OS9: variants seen among roughly 807,000 people sequenced by gnomAD.
OS9 encodes protein OS-9.
Under a neutral mutation model 84.7 loss-of-function variants are expected in OS9, and 58 were observed. The ratio of observed to expected loss-of-function variants is 0.68; its 90% confidence interval spans 0.55 to 0.85. The LOEUF (loss-of-function observed/expected upper bound fraction) is 0.85. OS9 is among the 40% of genes least tolerant of loss of function. The pLI, the probability that OS9 is intolerant of heterozygous loss-of-function variation, is 0.00. For missense variants in OS9, 760 were observed against 850.9 expected, an observed-to-expected ratio of 0.89 and a Z score of 1.33; for synonymous variants, 278 against 320.8, an observed-to-expected ratio of 0.87 and a Z score of 1.43.
In OS9 at chr12:57,720,521, A is replaced by G; in HGVS notation, c.1878+3A>G. Reference sequence around the variant, plus strand: ...AGGAGATCTTCTTCAATATCTTGGTAAGAGGCTTCTACCCCCGAGTCCTGG... The same window carrying G: ...AGGAGATCTTCTTCAATATCTTGGTGAGAGGCTTCTACCCCCGAGTCCTGG... On this transcript the variant is annotated splice_donor_region_variant and intron_variant, in intron 14 of 14. Coordinates refer to ENST00000315970, the MANE Select transcript of OS9 (RefSeq NM_006812.4). 2 of 1,597,870 alleles carry G rather than the reference A, an allele frequency of 1.3e-6. No homozygotes were observed. The highest frequency in any genetic ancestry group is 1.7e-6 in the Non-Finnish European group (2 of 1,165,200).
At position 57,721,503 on chromosome 12, in the gene OS9, G is replaced by A. The variant is rs74368191; in HGVS notation, c.*594G>A. 1,232 of 153,118 alleles carry A rather than the reference G, an allele frequency of 8.0e-3. 9 individuals carry two copies. Among genetic ancestry groups the A allele is most frequent in the Non-Finnish European group, 0.013 (904 of 68,570 alleles). 9.5% of individuals were successfully genotyped at this position (153,118 alleles called of 1,614,324 possible). ...ACAATCCCAGTGAAAAAGGTGTGAA[G>A]CACCCACCATGTTCTTGAACAATCA... On this transcript the variant is annotated 3_prime_UTR_variant, in exon 15 of 15. Transcript: ENST00000315970.
chr12:57,698,880 G>A (rs1953940665), intron 5 of OS9, among the ~76,000 whole-genome samples: 1 of 152,180 alleles, frequency 6.6e-6, no homozygotes, highest in South Asian at 2.1e-4. Flanking sequence ...CAATGGTTAG[G>A]GGAGGCAATG....
chr12:57,694,386 G>A, intron 1 of OS9, 63 bp downstream of exon 1: 1 of 1,552,012 alleles, frequency 6.4e-7, no homozygotes, highest in Non-Finnish European at 8.9e-7. Context: ...GATAGAGGAA[G>A]AAGGGCAGCT....
intron 5 of OS9, among the ~76,000 whole-genome samples, chr12:57,715,271 G>C (rs897464720): frequency 5.9e-5 from 9 of 152,122 alleles, no homozygotes; most frequent in African/African-American, 1.9e-4. Flanking sequence ...GCTGAGGCCG[G>C]AGAATCGCTT....
intron 5 of OS9, among the ~76,000 whole-genome samples, chr12:57,697,967 C>CACT (rs1463071402): frequency 5.2e-5 from 6 of 116,000 alleles, no homozygotes; most frequent in Admixed American, 5.1e-4. Context: ...ACACACACAC[C>CACT]CTATTGCTCC....
chr12:57,711,390 A>C (rs1281746916), intron 5 of OS9, among the ~76,000 whole-genome samples: 1 of 114,308 alleles, frequency 8.7e-6, no homozygotes, highest in Non-Finnish European at 1.6e-5. Context: ...TCTGTTACCC[A>C]GGCTGGAGTG....
chr12:57,700,861 A>G (rs565321207), intron 5 of OS9, among the ~76,000 whole-genome samples: 45 of 152,174 alleles, frequency 3.0e-4, no homozygotes, highest in Non-Finnish European at 5.0e-4. Flanking sequence ...GACCAACTCA[A>G]TTCTTATAAA....
intron 5 of OS9, among the ~76,000 whole-genome samples, chr12:57,700,049 C>CG (rs1953974292): frequency 6.6e-6 from 1 of 151,474 alleles, no homozygotes; most frequent in South Asian, 2.1e-4. Context: ...GAGCTGATAT[C>CG]GCACCATTGC....
intron 5 of OS9, among the ~76,000 whole-genome samples, chr12:57,714,992 C>A (rs1013307225): frequency 5.9e-5 from 9 of 152,134 alleles, no homozygotes; most frequent in Admixed American, 5.9e-4. Flanking sequence ...ATATAAGAAT[C>A]TTAGAATTGT....
intron 12 of OS9, 192 bp downstream of exon 12, chr12:57,719,374 C>T: frequency 3.3e-6 from 2 of 597,056 alleles, no homozygotes; most frequent in Non-Finnish European, 5.9e-6. Flanking sequence ...TCCTATTCAT[C>T]CCTCTGGGAA....
intron 5 of OS9, among the ~76,000 whole-genome samples, chr12:57,700,402 G>A (rs940010329): frequency 7.2e-5 from 11 of 151,808 alleles, no homozygotes; most frequent in South Asian, 4.2e-4. Flanking sequence ...GTCTAGGGTC[G>A]TAACTGGAAT....
chr12:57,696,843 C>T (rs1186874867), intron 5 of OS9, among the ~76,000 whole-genome samples: 1 of 151,854 alleles, frequency 6.6e-6, no homozygotes, highest in Admixed American at 6.6e-5. Flanking sequence ...AGGCCGGGCA[C>T]GGTGGCTCAC....
At chr12:57,713,678 C>A (rs1954396210) in intron 5 of OS9, among the ~76,000 whole-genome samples, 1 of 151,712 alleles carries the variant, frequency 6.6e-6, no homozygotes, top group Non-Finnish European at 1.5e-5. Flanking sequence ...AAGTCCCTCC[C>A]CCTCCACCGC....
At chr12:57,704,194 A>C (rs1286545512) in intron 5 of OS9, among the ~76,000 whole-genome samples, 2 of 152,158 alleles carry the variant, frequency 1.3e-5, no homozygotes, top group Admixed American at 1.3e-4. Context: ...TATGCTGCTG[A>C]ATTTGGTTTG....
At chr12:57,695,398 C>G in intron 2 of OS9, 1 of 426,842 alleles carries the variant, frequency 2.3e-6, no homozygotes, top group South Asian at 2.0e-5. Flanking sequence ...TCCCAGTGGC[C>G]AGAACAGTGC....
chr12:57,706,945 C>G (rs114725718), intron 5 of OS9, among the ~76,000 whole-genome samples: 88 of 150,372 alleles, frequency 5.9e-4, no homozygotes, highest in African/African-American at 2.0e-3. Context: ...GTTGTTGCTA[C>G]TGATTTAATT....
At chr12:57,707,479 G>A (rs1349716921) in intron 5 of OS9, among the ~76,000 whole-genome samples, 1 of 152,188 alleles carries the variant, frequency 6.6e-6, no homozygotes, top group Non-Finnish European at 1.5e-5. Context: ...GGGGGGACAT[G>A]CCACAACCAG....
At chr12:57,716,285 G>A in intron 7 of OS9, 92 bp downstream of exon 7, 2 of 760,230 alleles carry the variant, frequency 2.6e-6, no homozygotes, top group East Asian at 2.8e-5. Flanking sequence ...GGGGTGGGGG[G>A]GGGTGGAAAA....
chr12:57,712,712 C>T (rs1245546037), intron 5 of OS9, among the ~76,000 whole-genome samples: 1 of 152,008 alleles, frequency 6.6e-6, no homozygotes, highest in Non-Finnish European at 1.5e-5. Context: ...GCCCTCCACC[C>T]CATGGCTTTT....
Sources: gnomAD v4.1 joint callset for allele counts (sites outside exome capture counted in the v4.1 genomes callset) on GRCh38, gnomAD v4.1.1 for gene constraint, MANE v1.5 for transcripts, NCBI Gene and HGNC (gene_info 2026-07-23, HGNC 2026-07-21) for gene names.